The following NELL2 variants were observed in gnomAD, a reference collection of about 807,000 sequenced individuals.
NELL2 encodes protein kinase C-binding protein NELL2.
Under a neutral mutation model 109.6 loss-of-function variants are expected in NELL2, and 41 were observed. The ratio of observed to expected loss-of-function variants is 0.37; its 90% CI spans 0.29 to 0.49. The LOEUF is 0.49. Among genes scored for constraint, NELL2 ranks in the 20% least tolerant of loss-of-function variants. The pLI, the probability that NELL2 is intolerant of heterozygous loss-of-function variation, is 0.98. For synonymous variants in NELL2, 355 were observed against 344.7 expected (o/e 1.03, Z -0.33); for missense variants, 900 against 1,008.3 (o/e 0.89, Z 1.45).
At chr12:44,594,111 G>A (rs1262655733) in intron 15 of NELL2, among the ~76,000 whole-genome samples, 1 of 151,558 alleles carries the variant, frequency 6.6e-6, no homozygotes, top group African/African-American at 2.4e-5. Context: ...TGGACACAGG[G>A]AGGGGAACAT....
Position 44,876,056 on chromosome 12 carries a change from G to C in NELL2, c.-187C>G. 5 of 1,457,168 alleles carry C rather than the reference G, an allele frequency of 3.4e-6. No individual in the cohort carries two copies. The South Asian group carries it at 7.2e-5, about 21-fold the overall frequency. 90.3% of individuals were successfully genotyped at this position (1,457,168 alleles called of 1,614,324 possible). ...AGGGAGGCCTCCCCAGGCGCGTGAA[G>C]AACTTAGACCCTCCAATGCGCACAT... is the stretch of plus-strand genomic sequence containing the variant. On this transcript the variant is annotated 5_prime_UTR_variant, in exon 1 of 20. Coordinates refer to ENST00000429094, the MANE Select transcript of NELL2 (RefSeq NM_001145108.2).
chr12:44,664,494 T>A (rs1947853823), intron 13 of NELL2, among the ~76,000 whole-genome samples: 1 of 152,104 alleles, frequency 6.6e-6, no homozygotes, highest in Non-Finnish European at 1.5e-5. Flanking sequence ...GACACTATAA[T>A]GAAGACTTAG....
chr12:44,889,301 T>G (rs755927065), intron 1 of NELL2, among the ~76,000 whole-genome samples: 1 of 152,018 alleles, frequency 6.6e-6, no homozygotes. Context: ...CTTTACTGGT[T>G]AGAAAAATAT....
At chr12:44,675,758 T>C (rs1224688163) in intron 12 of NELL2, among the ~76,000 whole-genome samples, 1 of 152,050 alleles carries the variant, frequency 6.6e-6, no homozygotes, top group Non-Finnish European at 1.5e-5. Context: ...ATGGGAAAGG[T>C]TTTAAGAGGT....
intron 13 of NELL2, among the ~76,000 whole-genome samples, chr12:44,653,480 C>T (rs1014351297): frequency 5.3e-5 from 8 of 152,122 alleles, no homozygotes; most frequent in African/African-American, 7.2e-5. Flanking sequence ...AGAGATTCTA[C>T]GCCATTTCCT....
At chr12:44,512,589 T>G (rs1305279394) in intron 19 of NELL2, among the ~76,000 whole-genome samples, 1 of 151,950 alleles carries the variant, frequency 6.6e-6, no homozygotes, top group African/African-American at 2.4e-5. Context: ...TATCAACAGA[T>G]GAATGAACAA....
chr12:44,795,944 T>C (rs1038799744), intron 3 of NELL2, among the ~76,000 whole-genome samples: 6 of 152,082 alleles, frequency 3.9e-5, no homozygotes, highest in Non-Finnish European at 5.9e-5. Flanking sequence ...TTTATTCTAA[T>C]GGTATTTGTT....
intron 13 of NELL2, among the ~76,000 whole-genome samples, chr12:44,632,151 T>C (rs1335280607): frequency 1.3e-5 from 2 of 152,044 alleles, no homozygotes; most frequent in African/African-American, 2.4e-5. Flanking sequence ...CTCAGAAAAC[T>C]AGAAAGAGAA....
intron 15 of NELL2, among the ~76,000 whole-genome samples, chr12:44,588,487 G>A (rs1944627049): frequency 6.6e-6 from 1 of 152,172 alleles, no homozygotes; most frequent in Admixed American, 6.5e-5. Flanking sequence ...CATTGTGGAG[G>A]ATAATTTGTC....
At chr12:44,606,650 G>GT (rs1422538520) in intron 15 of NELL2, among the ~76,000 whole-genome samples, 2 of 152,030 alleles carry the variant, frequency 1.3e-5, no homozygotes, top group African/African-American at 2.4e-5. Flanking sequence ...ATCAGAAAGA[G>GT]TAAGTTCAGA....
intron 15 of NELL2, among the ~76,000 whole-genome samples, chr12:44,542,555 T>C (rs1284660812): frequency 1.3e-5 from 2 of 152,114 alleles, no homozygotes; most frequent in East Asian, 1.9e-4. Flanking sequence ...TCTTTGAAGA[T>C]ATGATTAGGT....
intron 9 of NELL2, among the ~76,000 whole-genome samples, chr12:44,738,759 T>C (rs1197921285): frequency 2.0e-5 from 3 of 152,226 alleles, no homozygotes; most frequent in Admixed American, 6.5e-5. Flanking sequence ...ATGGTGACTA[T>C]AGTTAATAAT....
chr12:44,564,180 T>C (rs1209751655), intron 15 of NELL2, among the ~76,000 whole-genome samples: 11 of 152,176 alleles, frequency 7.2e-5, no homozygotes, highest in African/African-American at 1.7e-4. Context: ...TAGTTTTTAG[T>C]GAGTTAAACG....
In NELL2 at chr12:44,912,298, A is replaced by G. The variant is rs541986665; in HGVS notation, c.38+1501T>C. 3.3e-5 allele frequency among the ~76,000 whole-genome samples: 5 copies of G among 152,188 alleles called. No individual in the cohort carries two copies. The South Asian group carries it at 1.0e-3, about 32-fold the overall frequency. ...CATCCTATAAAGTAGTTACTTGCCA[A>G]AGCATATTCCACAGACTACTAGTTC... On this transcript the variant is annotated intron_variant, in intron 1 of 20. Transcript: ENST00000333837.
At chr12:44,895,450 G>C (rs569642076) in intron 1 of NELL2, among the ~76,000 whole-genome samples, 14 of 152,128 alleles carry the variant, frequency 9.2e-5, no homozygotes, top group Middle Eastern at 3.4e-3. Context: ...TATTCATACT[G>C]ATGATTAAAT....
At chr12:44,531,301 C>A (rs554948757) in intron 16 of NELL2, among the ~76,000 whole-genome samples, 28 of 152,266 alleles carry the variant, frequency 1.8e-4, no homozygotes, top group African/African-American at 6.5e-4. Context: ...AAAAGATGAT[C>A]TCCATTAAAT....
intron 2 of NELL2, among the ~76,000 whole-genome samples, chr12:44,820,380 G>C (rs533181039): frequency 6.6e-6 from 1 of 152,152 alleles, no homozygotes; most frequent in South Asian, 2.1e-4. Context: ...AGTCCGAAGC[G>C]GACAGATCAC....
intron 13 of NELL2, among the ~76,000 whole-genome samples, chr12:44,618,896 G>A (rs1039032519): frequency 6.6e-6 from 1 of 152,046 alleles, no homozygotes; most frequent in Non-Finnish European, 1.5e-5. Flanking sequence ...AGGCCTGTTC[G>A]GGTAGGTATT....
intron 2 of NELL2, among the ~76,000 whole-genome samples, chr12:44,862,776 T>C (rs1944879288): frequency 6.6e-6 from 1 of 151,930 alleles, no homozygotes; most frequent in Non-Finnish European, 1.5e-5. Context: ...ACCAACAGAA[T>C]GATCAACTGG....
Sources: allele counts gnomAD v4.1 joint callset (sites outside exome capture counted in the v4.1 genomes callset), GRCh38; gene constraint gnomAD v4.1.1; transcripts MANE v1.5; gene names NCBI Gene and HGNC (gene_info 2026-07-23, HGNC 2026-07-21).